SEMA3B: variants seen among roughly 807,000 people sequenced by gnomAD.
The protein encoded by SEMA3B is semaphorin-3B.
In SEMA3B, 71 loss-of-function variants were observed where a neutral mutation model predicts 77.8. The ratio of observed to expected loss-of-function variants is 0.91; its 90% CI spans 0.75 to 1.11. The LOEUF is 1.11. Ranked by LOEUF, SEMA3B falls within the 50% of genes most tolerant of loss-of-function variation. The pLI, the probability that SEMA3B is intolerant of heterozygous loss-of-function variation, is 0.00. For synonymous variants in SEMA3B, 470 were observed against 452.9 expected (o/e 1.04, Z -0.48); for missense variants, 968 against 1,056.8 (o/e 0.92, Z 1.17).
rs1292587888 is a variant in SEMA3B, at chr3:50,276,864, G to A, written c.*158G>A. The A allele has an allele frequency of 1.1e-6, 1 of 870,110 alleles. No homozygotes were observed. The highest frequency in any genetic ancestry group is 1.6e-6 in the Non-Finnish European group (1 of 611,530). 53.9% of individuals were successfully genotyped at this position (870,110 alleles called of 1,614,324 possible). On this transcript the variant is annotated 3_prime_UTR_variant, in exon 17 of 17. Transcript: ENST00000616701. The surrounding 1 kb of genome is among the most constrained non-coding windows in gnomAD (Gnocchi z 5.8). The stretch of plus-strand genomic sequence containing the variant: ...GGCCCTGGCTGAGGGCAGCTGCGCG[G>A]GCTTATTTATTAACAGGATAACCCT...
Position 50,275,455 on chromosome 3 carries a change from A to G in SEMA3B, c.1645A>G (p.Lys549Glu), listed in dbSNP as rs781867350. 3 of 1,607,894 alleles carry G rather than the reference A, an allele frequency of 1.9e-6. No individual in the cohort carries two copies. The highest frequency in any genetic ancestry group is 8.5e-7 in the Non-Finnish European group (1 of 1,176,568). Residue 549 changes from lysine to glutamate, a missense_variant, in exon 14 of 17, where the codon AAG becomes GAG. By Grantham distance (56) the Lys-to-Glu change is moderately conservative. Coordinates refer to ENST00000616701, the MANE Select transcript of SEMA3B (RefSeq NM_001290060.2). This position sits in a 1 kb window ranked among gnomAD's most constrained non-coding sequence, Gnocchi z 7.5. ...VACTRFQPSA[K>E]RRFRRQDVRN... The stretch of plus-strand genomic sequence containing the variant: ...GTGCACGCGCTTCCAGCCCAGTGCC[A>G]AGAGGTGGGCGGGGTCGGGGTTGGG...
At chr3:50,265,726 G>A (rs781919858), upstream of SEMA3B, among the ~76,000 whole-genome samples, 1 of 152,194 alleles carries the variant, frequency 6.6e-6, no homozygotes, top group Non-Finnish European at 1.5e-5. Flanking sequence ...CAGAATCCTC[G>A]AGGAGTTCCA....
chr3:50,272,855 A>AAATAGTAATAATAATAATAATAAT (rs1701090401), intron 6 of SEMA3B, among the ~76,000 whole-genome samples: 2 of 145,576 alleles, frequency 1.4e-5, no homozygotes, highest in African/African-American at 5.1e-5. Context: ...ATAAATAAAC[A>AAATAGTAATAATAATAATAATAAT]AATAATAATA....
upstream of SEMA3B, among the ~76,000 whole-genome samples, chr3:50,265,795 G>A (rs1271956575): frequency 6.6e-6 from 1 of 152,180 alleles, no homozygotes; most frequent in East Asian, 1.9e-4. Context: ...CTCCATGGGG[G>A]CCCCTACCCA....
rs1701122497 is a variant in SEMA3B at position 50,273,633 on chromosome 3, C to T, written c.909C>T (p.His303=). Residue 303 remains histidine (H), a synonymous_variant, in exon 8 of 17, where the codon CAC becomes CAT. Transcript: ENST00000616701. This position sits in a 1 kb window ranked among gnomAD's most constrained non-coding sequence, Gnocchi z 6.5. ...CSVPGVEGDT[H]FDQLQDVFLL... is the part of the protein sequence containing the mutation. ...TGCCCGGCGTCGAGGGCGACACCCA[C>T]TTCGATCAGCTCCGTGAGTGCGGGA... 3 of 1,611,590 alleles carry T rather than the reference C, an allele frequency of 1.9e-6. No homozygotes were observed. Among genetic ancestry groups the T allele is most frequent in the South Asian group, 1.1e-5 (1 of 91,058 alleles).
In SEMA3B at chr3:50,270,135, G is replaced by A; in HGVS notation, c.118G>A (p.Ala40Thr). ...AGTGTCCTGCCCTGCAGAGCTCCAGGCCTGGCATGGTCTCCAGACTTTCAG... is the reference window on the plus strand; with the variant it reads ...AGTGTCCTGCCCTGCAGAGCTCCAGACCTGGCATGGTCTCCAGACTTTCAG... ...RLRLSFQELQ[A>T]WHGLQTFSLE... The change falls in exon 2 of 17, where the codon GCC becomes ACC. Residue 40 changes from alanine (A) to threonine (T), a missense_variant. Coordinates refer to ENST00000616701, the MANE Select transcript of SEMA3B (RefSeq NM_001290060.2). This position sits in a 1 kb window ranked among gnomAD's most constrained non-coding sequence, Gnocchi z 4.7. 6.4e-7 allele frequency: 1 copy of A among 1,553,474 alleles called. No homozygotes were observed. The highest frequency in any genetic ancestry group is 8.7e-7 in the Non-Finnish European group (1 of 1,150,002).
chr3:50,270,820 T>G lies in SEMA3B; in HGVS notation c.331-70T>G. The G allele has an allele frequency of 1.3e-6, 2 of 1,544,572 alleles. No individual in the cohort carries two copies. The highest frequency in any genetic ancestry group is 1.8e-6 in the Non-Finnish European group (2 of 1,142,040). ...TGCCGAAGAGAGGGAGGGGTGAGGA[T>G]GCCACTGGTGAGCTGGGACCTCTTA... On this transcript the variant is annotated intron_variant, in intron 3 of 16. Coordinates refer to ENST00000616701, the MANE Select transcript of SEMA3B (RefSeq NM_001290060.2). This position sits in a 1 kb window ranked among gnomAD's most constrained non-coding sequence, Gnocchi z 4.7.
rs1553706747 is a variant in SEMA3B at position 50,276,405 on chromosome 3, G to A, written c.1949G>A (p.Gly650Asp). 9.8e-6 allele frequency: 15 copies of A among 1,536,642 alleles called. No individual in the cohort carries two copies. The highest frequency in any genetic ancestry group is 3.9e-5 in the Admixed American group (2 of 50,924). The change falls in exon 17 of 17, where the codon GGC becomes GAC. Residue 650 changes from glycine (G) to aspartate (D), a missense_variant. Transcript: ENST00000616701. This position sits in a 1 kb window ranked among gnomAD's most constrained non-coding sequence, Gnocchi z 5.8. The stretch of plus-strand genomic sequence containing the variant: ...TACTTGTGCGCCGCCGTCGAGCAGG[G>A]CTTTACGCAACCGCTGCGTCGCCTG... ...GVYLCAAVEQ[G>D]FTQPLRRLSL...
At position 50,273,052 on chromosome 3, in the gene SEMA3B, A is replaced by T; in HGVS notation, c.665-246A>T. 1 of 515,618 alleles carries T rather than the reference A, an allele frequency of 1.9e-6. No homozygotes were observed. Among genetic ancestry groups the T allele is most frequent in the Non-Finnish European group, 3.4e-6 (1 of 296,818 alleles). The allele number at this position is 515,618 out of a possible 1,614,324, so 31.9% of individuals were successfully genotyped here. ...CGAGATCGGAGGCTAGCCGGGCTTC[A>T]CGCCTGCGCCCCCAGGTAGCCACGG... On this transcript the variant is annotated intron_variant, in intron 6 of 16. Coordinates refer to ENST00000616701, the MANE Select transcript of SEMA3B (RefSeq NM_001290060.2). The surrounding 1 kb of genome is among the most constrained non-coding windows in gnomAD (Gnocchi z 6.5).
rs782510037 is a variant in SEMA3B, at chr3:50,275,005, C to T, written c.1450-7C>T. On this transcript the variant is annotated splice_polypyrimidine_tract_variant and splice_region_variant and intron_variant, in intron 12 of 16. Transcript: ENST00000616701. This position sits in a 1 kb window ranked among gnomAD's most constrained non-coding sequence, Gnocchi z 7.5. ...GCCCTGACCCCGTCGCCCCTCCTCC[C>T]TCTCAGGACTCGGCCGCTGTCACCA... 6.3e-7 allele frequency: 1 copy of T among 1,595,206 alleles called. No individual in the cohort carries two copies. Among genetic ancestry groups the T allele is most frequent in the South Asian group, 1.1e-5 (1 of 89,596 alleles).
In SEMA3B at chr3:50,276,364, C is replaced by G. The variant is rs1553706716; in HGVS notation, c.1908C>G (p.Arg636=). The change falls in exon 17 of 17, where the codon CGC becomes CGG. Residue 636 remains arginine (R), a synonymous_variant. Transcript: ENST00000616701. The surrounding 1 kb of genome is among the most constrained non-coding windows in gnomAD (Gnocchi z 5.8). The stretch of plus-strand genomic sequence containing the variant: ...GACTACTGCTGCGCAGGCTGCGGCG[C>G]CGGGACTCGGGCGTGTACTTGTGCG... ...ARGLLLRRLR[R]RDSGVYLCAA... The G allele has an allele frequency of 2.0e-6, 3 of 1,534,346 alleles. No homozygotes were observed. Among genetic ancestry groups the G allele is most frequent in the Non-Finnish European group, 8.7e-7 (1 of 1,144,896 alleles).
At chr3:50,269,064 A>AC (rs1189785891), upstream of SEMA3B, 8 of 591,400 alleles carry the variant, frequency 1.4e-5, no homozygotes, top group African/African-American at 1.4e-4. The surrounding 1 kb of genome is among the most constrained non-coding windows in gnomAD (Gnocchi z 4.0). Context: ...GTGGAATGCG[A>AC]CCCCCCAGCC....
rs782449895 is a variant in SEMA3B, at chr3:50,273,794, AC to A, written c.962del (p.Pro321ArgfsTer24). Reference protein sequence around the residue: ...VFLLSSRDHRTPLLYAVFSTS... With the variant: ...VFLLSSRDHRXPLLYAVFSTS... ...TCTGTTGTCCTCGCGGGACCACCGG[AC>A]CCCGCTGCTCTATGCCGTCTTCTCC... On this transcript the variant is annotated frameshift_variant, in exon 9 of 17. Coordinates refer to ENST00000616701, the MANE Select transcript of SEMA3B (RefSeq NM_001290060.2). LOFTEE classifies it high-confidence loss of function. The surrounding 1 kb of genome is among the most constrained non-coding windows in gnomAD (Gnocchi z 6.5). 6.3e-7 allele frequency: 1 copy of A among 1,589,808 alleles called. No individual in the cohort carries two copies. Among genetic ancestry groups the A allele is most frequent in the Non-Finnish European group, 8.5e-7 (1 of 1,170,142 alleles).
Position 50,273,361 on chromosome 3 carries a change from A to AG in SEMA3B, c.728_729insG (p.Tyr243Ter). Reference protein sequence around the residue: ...ESENPDDDKIYFFFRETAVEA... With the variant: ...ESENPDDDKI ...GAGAACCCAGACGACGACAAAATCT[A>AG]CTTCTTCTTTCGTGAGACGGCGGTA... The change falls in exon 7 of 17, where the codon TAC becomes TAGC. Residue 243 changes from tyrosine to a stop codon, truncating the protein, a stop_gained and frameshift_variant. Coordinates refer to ENST00000616701, the MANE Select transcript of SEMA3B (RefSeq NM_001290060.2). LOFTEE classifies it high-confidence loss of function. This position sits in a 1 kb window ranked among gnomAD's most constrained non-coding sequence, Gnocchi z 6.5. 1 of 1,613,916 alleles carries AG rather than the reference A, an allele frequency of 6.2e-7. No homozygotes were observed. The highest frequency in any genetic ancestry group is 8.5e-7 in the Non-Finnish European group (1 of 1,179,858).
In SEMA3B at chr3:50,274,770, C is replaced by G; in HGVS notation, c.1358-73C>G. ...ACCCAAACATGCTGAGGGTAGACGC[C>G]TCAAAGGCGAGGAGACACTAGCCCC... On this transcript the variant is annotated intron_variant, in intron 11 of 16. Transcript: ENST00000616701. The surrounding 1 kb of genome is among the most constrained non-coding windows in gnomAD (Gnocchi z 4.7). The G allele has an allele frequency of 6.5e-7, 1 of 1,539,688 alleles. No individual in the cohort carries two copies.
Position 50,276,332 on chromosome 3 carries a change from GC to G in SEMA3B, c.1879del (p.Arg627GlyfsTer37). Reference sequence around the variant, plus strand: ...GGCAGAGGAGCGCACCGAGCGCACCGCCCGGGGACTACTGCTGCGCAGGCTG... The same window carrying G: ...GGCAGAGGAGCGCACCGAGCGCACCGCCGGGGACTACTGCTGCGCAGGCTG... ...VLAEERTERTARGLLLRRLRR... is the reference protein window; with the variant it reads ...VLAEERTERTXRGLLLRRLRR... On this transcript the variant is annotated frameshift_variant, in exon 17 of 17. Coordinates refer to ENST00000616701, the MANE Select transcript of SEMA3B (RefSeq NM_001290060.2). LOFTEE classifies it low-confidence loss of function (END_TRUNC). This position sits in a 1 kb window ranked among gnomAD's most constrained non-coding sequence, Gnocchi z 5.8. The G allele has an allele frequency of 6.5e-7, 1 of 1,527,558 alleles. No homozygotes were observed. Among genetic ancestry groups the G allele is most frequent in the Non-Finnish European group, 8.8e-7 (1 of 1,141,012 alleles). The allele number at this position is 1,527,558 out of a possible 1,614,324, so 94.6% of individuals were successfully genotyped here.
chr3:50,270,663 T>C lies in SEMA3B; in HGVS notation c.330+168T>C, dbSNP rs1265615713. 4 of 1,140,898 alleles carry C rather than the reference T, an allele frequency of 3.5e-6. No individual in the cohort carries two copies. Among genetic ancestry groups the C allele is most frequent in the Admixed American group, 2.4e-5 (1 of 42,532 alleles). The allele number at this position is 1,140,898 out of a possible 1,614,324, so 70.7% of individuals were successfully genotyped here. Reference sequence around the variant, plus strand: ...TCAGGGTGGGGGCTCGTGTAATTCTTCTGGGGTGCCTCTGAGTCATGGGAG... The same window carrying C: ...TCAGGGTGGGGGCTCGTGTAATTCTCCTGGGGTGCCTCTGAGTCATGGGAG... On this transcript the variant is annotated intron_variant, in intron 3 of 16. Transcript: ENST00000616701. The surrounding 1 kb of genome is among the most constrained non-coding windows in gnomAD (Gnocchi z 4.7).
At chr3:50,262,559 C>T (rs1700848587), upstream of SEMA3B, 1 of 152,216 alleles carries the variant, frequency 6.6e-6, no homozygotes, top group South Asian at 2.1e-4. Context: ...TGTGTGGCAG[C>T]AAATATGTCC....
upstream of SEMA3B, chr3:50,266,576 T>G (rs139318009): frequency 4.6e-5 from 7 of 152,400 alleles, no homozygotes; most frequent in African/African-American, 1.4e-4. Flanking sequence ...ATGCCCACAC[T>G]GCCCCATCAG....
Sources: gnomAD v4.1 joint callset for allele counts (sites outside exome capture counted in the v4.1 genomes callset) on GRCh38, gnomAD v4.1.1 for gene constraint, Gnocchi (gnomAD v3.1) non-coding constraint, MANE v1.5 for transcripts, NCBI Gene and HGNC (gene_info 2026-07-23, HGNC 2026-07-21) for gene names.